Variants in OTOG observed in about 807,000 individuals in gnomAD.
OTOG encodes otogelin.
OTOG carries 296 observed loss-of-function variants against 313.8 expected under a neutral mutation model. The observed-to-expected ratio is 0.94, with a 90% CI of 0.86 to 1.04. The LOEUF (loss-of-function observed/expected upper bound fraction) is 1.04, where lower values mean the gene tolerates loss of function less well. OTOG is among the 50% of genes least tolerant of loss of function. The pLI is 0.00. For missense variants in OTOG, 3,948 were observed against 3,840.1 expected (o/e 1.03, Z -0.74); for synonymous variants, 1,533 against 1,554.9 (o/e 0.99, Z 0.33).
chr11:17,642,355 A>G, intron 53 of OTOG, 109 bp downstream of exon 53: 1 of 1,379,432 alleles, frequency 7.2e-7, no homozygotes, highest in East Asian at 2.6e-5. Flanking sequence ...GGCTCCCTGG[A>G]GCCTGTGCCT....
intron 46 of OTOG, 116 bp from the exon 47 acceptor site, chr11:17,635,494 T>G: frequency 2.6e-6 from 2 of 762,148 alleles, no homozygotes; most frequent in South Asian, 1.6e-5. Flanking sequence ...GATGCTGCCA[T>G]TAGTTAGCTC....
rs1441905533 is a variant in OTOG, at chr11:17,641,240, C to G, written c.8190+149C>G. On this transcript the variant is annotated intron_variant, in intron 51 of 55. Coordinates refer to ENST00000399397, the MANE Select transcript of OTOG (RefSeq NM_001292063.2). ...CCTCAGAAACCTCTGTAGAAAGTGC[C>G]AAGAAAGGGACTAGGTTGGGAGAGG... The G allele has an allele frequency of 4.4e-6, 4 of 910,570 alleles. No individual in the cohort carries two copies. In the East Asian group the frequency reaches 8.0e-5, roughly 18 times the overall value. The allele number at this position is 910,570 out of a possible 1,614,324, so 56.4% of individuals were successfully genotyped here.
At chr11:17,574,380 G>A (rs1469932003) in intron 19 of OTOG, among the ~76,000 whole-genome samples, 1 of 152,158 alleles carries the variant, frequency 6.6e-6, no homozygotes, top group Non-Finnish European at 1.5e-5. Context: ...GTTACGGGGT[G>A]GGTGCAGGGC....
chr11:17,607,358 C>T (rs1276659989), intron 33 of OTOG, among the ~76,000 whole-genome samples: 4 of 152,230 alleles, frequency 2.6e-5, no homozygotes, highest in Admixed American at 6.5e-5. Flanking sequence ...TCACTTGTGC[C>T]AAGGTAGCCT....
chr11:17,589,907 T>C (rs532572171), intron 24 of OTOG, among the ~76,000 whole-genome samples: 2 of 152,304 alleles, frequency 1.3e-5, no homozygotes, highest in South Asian at 4.1e-4. Context: ...ATTCCCTCCT[T>C]CTTGATACTT....
chr11:17,558,162 A>G, intron 8 of OTOG, 23 bp from the exon 9 acceptor site: 1 of 1,550,064 alleles, frequency 6.5e-7, no homozygotes, highest in Non-Finnish European at 8.7e-7. Flanking sequence ...CTGCCCCATC[A>G]TGATGTCAGC....
intron 12 of OTOG, among the ~76,000 whole-genome samples, chr11:17,560,497 T>A (rs1477443302): frequency 2.0e-5 from 3 of 152,124 alleles, no homozygotes; most frequent in African/African-American, 7.2e-5. Context: ...TTGTGGGCAG[T>A]TCTCTGAGCA....
chr11:17,579,661 T>G (rs925077426), intron 23 of OTOG, among the ~76,000 whole-genome samples: 10 of 152,028 alleles, frequency 6.6e-5, no homozygotes, highest in Non-Finnish European at 1.3e-4. Context: ...GGCCCCGGAG[T>G]GGCATTTGAA....
intron 46 of OTOG, 138 bp from the exon 47 acceptor site, chr11:17,635,472 G>A (rs938729453): frequency 4.3e-6 from 3 of 701,506 alleles, no homozygotes; most frequent in African/African-American, 1.7e-5. Flanking sequence ...AACGGATCAC[G>A]TGAGACCATG....
intron 21 of OTOG, 24 bp from the exon 22 acceptor site, chr11:17,576,844 C>A: frequency 1.3e-6 from 2 of 1,549,974 alleles, no homozygotes; most frequent in African/African-American, 1.4e-5. Flanking sequence ...GTCGGCTAAC[C>A]CCAGGGCCCG....
rs1447320384 is a variant in OTOG at position 17,562,047 on chromosome 11, ATATATAT to A, written c.1644+241_1644+247del. On this transcript the variant is annotated intron_variant, in intron 15 of 55. Coordinates refer to ENST00000399397, the MANE Select transcript of OTOG (RefSeq NM_001292063.2). ...TAGGATTTTACTACCTAAAAAAAAA[ATATATAT>A]ATATATATATATATATATGTATGTA... Among the ~76,000 whole-genome samples, 5,222 of 105,308 alleles carry A rather than the reference ATATATAT, an allele frequency of 0.05. 338 individuals carry two copies. The highest frequency in any genetic ancestry group is 0.19 in the African/African-American group (4,943 of 26,170). 69.1% of individuals were successfully genotyped at this position (105,308 alleles called of 152,430 possible). A position where few individuals can be genotyped will look rare whatever the true frequency, so the allele number is the denominator to read the frequency against.
At chr11:17,606,867 G>A (rs1853402617) in intron 33 of OTOG, among the ~76,000 whole-genome samples, 1 of 152,164 alleles carries the variant, frequency 6.6e-6, no homozygotes, top group African/African-American at 2.4e-5. Flanking sequence ...CTTCCCTTCA[G>A]CGGTCAGTTA....
chr11:17,612,958 G>C (rs941413693), intron 38 of OTOG, among the ~76,000 whole-genome samples, 193 bp downstream of exon 38: 1 of 152,164 alleles, frequency 6.6e-6, no homozygotes, highest in Non-Finnish European at 1.5e-5. Context: ...GAATTGAGTG[G>C]AGTGTGCCAC....
Position 17,646,021 on chromosome 11 carries a change from G to T in OTOG, c.*77G>T. 1 of 1,381,374 alleles carries T rather than the reference G, an allele frequency of 7.2e-7. No individual in the cohort carries two copies. The allele number at this position is 1,381,374 out of a possible 1,614,324, so 85.6% of individuals were successfully genotyped here. ...TTCCAGCTGGCCCAATGTGAATGGG[G>T]GTATTAAAGGTGGTAGAAATCTGGC... On this transcript the variant is annotated 3_prime_UTR_variant, in exon 56 of 56. Transcript: ENST00000399397.
At chr11:17,559,722 A>G (rs925825319) in intron 12 of OTOG, 60 bp downstream of exon 12, 5 of 1,535,744 alleles carry the variant, frequency 3.3e-6, no homozygotes, top group South Asian at 1.2e-5. Flanking sequence ...ACAGATGGCC[A>G]CGAAACAGGA....
chr11:17,597,749 C>A (rs987711308), intron 30 of OTOG, among the ~76,000 whole-genome samples: 7 of 152,170 alleles, frequency 4.6e-5, no homozygotes, highest in Non-Finnish European at 1.0e-4. Flanking sequence ...TTCCCACGCA[C>A]CAAAGGATTT....
At chr11:17,552,215 C>G in intron 4 of OTOG, 140 bp downstream of exon 4, 2 of 818,578 alleles carry the variant, frequency 2.4e-6, no homozygotes, top group Admixed American at 4.4e-5. Flanking sequence ...TCCACCCACT[C>G]TGGCCCCGGC....
At chr11:17,598,954 C>T (rs945208935) in intron 30 of OTOG, among the ~76,000 whole-genome samples, 1 of 152,128 alleles carries the variant, frequency 6.6e-6, no homozygotes, top group African/African-American at 2.4e-5. Flanking sequence ...CTCTTCAGAC[C>T]GTGCCTATGT....
intron 15 of OTOG, among the ~76,000 whole-genome samples, 153 bp from the exon 16 acceptor site, chr11:17,569,003 G>T (rs910154276): frequency 3.3e-5 from 5 of 152,204 alleles, no homozygotes; most frequent in African/African-American, 1.2e-4. Context: ...AGGGTATTTG[G>T]TTGGATGATC....
Sources: allele counts gnomAD v4.1 joint callset (sites outside exome capture counted in the v4.1 genomes callset), GRCh38; gene constraint gnomAD v4.1.1; transcripts MANE v1.5; gene names NCBI Gene and HGNC (gene_info 2026-07-23, HGNC 2026-07-21).